AUTS2: variants seen among roughly 807,000 people sequenced by gnomAD.
AUTS2 encodes activator of transcription and developmental regulator AUTS2.
A neutral mutation model predicts 112.4 loss-of-function variants in AUTS2; 17 were observed. The observed-to-expected ratio is 0.15, with a 90% confidence interval of 0.10 to 0.23. The LOEUF (loss-of-function observed/expected upper bound fraction) is 0.23, where lower values mean the gene tolerates loss of function less well. Among genes scored for constraint, AUTS2 ranks in the 10% least tolerant of loss-of-function variants. AUTS2 has a pLI of 1.00. For synonymous variants in AUTS2, 751 were observed against 702.7 expected (o/e 1.07, Z -1.09); for missense variants, 1,510 against 1,701.6 (o/e 0.89, Z 1.98).
intron 2 of AUTS2, among the ~76,000 whole-genome samples, chr7:70,037,561 G>A (rs562265404): frequency 3.3e-5 from 5 of 152,098 alleles, no homozygotes; most frequent in African/African-American, 9.6e-5. Flanking sequence ...TTTAAAATGT[G>A]GACAATTAAA....
chr7:70,076,704 G>T (rs1457848373), intron 2 of AUTS2, among the ~76,000 whole-genome samples: 1 of 152,180 alleles, frequency 6.6e-6, no homozygotes, highest in East Asian at 1.9e-4. Context: ...GGTGATAGGA[G>T]TAAGATCCCA....
intron 5 of AUTS2, among the ~76,000 whole-genome samples, chr7:70,458,537 C>G (rs1230868312): frequency 6.6e-6 from 1 of 152,230 alleles, no homozygotes; most frequent in Non-Finnish European, 1.5e-5. Context: ...TCTTGGATGG[C>G]TGCCAAGTGG....
At chr7:70,718,438 G>A (rs1278453691) in intron 6 of AUTS2, among the ~76,000 whole-genome samples, 6 of 152,170 alleles carry the variant, frequency 3.9e-5, no homozygotes, top group Admixed American at 6.5e-5. Context: ...TGGGGCGGGC[G>A]GATCACTTGA....
intron 4 of AUTS2, among the ~76,000 whole-genome samples, chr7:70,327,962 A>G (rs1790566963): frequency 6.6e-6 from 1 of 152,058 alleles, no homozygotes; most frequent in South Asian, 2.1e-4. Context: ...TATTGAAAAG[A>G]GCTCCCTTAT....
intron 4 of AUTS2, among the ~76,000 whole-genome samples, chr7:70,390,753 C>T (rs1333633737): frequency 6.6e-6 from 1 of 152,102 alleles, no homozygotes; most frequent in Non-Finnish European, 1.5e-5. Context: ...ATTCTGTGAC[C>T]TGGCTCTGAA....
At chr7:69,993,739 C>T (rs1253026191) in intron 2 of AUTS2, among the ~76,000 whole-genome samples, 1 of 151,768 alleles carries the variant, frequency 6.6e-6, no homozygotes, top group Admixed American at 6.6e-5. Context: ...CTTCCTGTCT[C>T]TCTGTCTCTG....
chr7:70,032,130 T>G (rs751427906), intron 2 of AUTS2, among the ~76,000 whole-genome samples: 9 of 152,028 alleles, frequency 5.9e-5, no homozygotes, highest in Admixed American at 3.3e-4. Context: ...TCTAAATCAT[T>G]TAAAAACTTA....
chr7:70,122,557 A>G (rs577605861), intron 3 of AUTS2, among the ~76,000 whole-genome samples: 2 of 152,244 alleles, frequency 1.3e-5, no homozygotes, highest in East Asian at 1.9e-4. Flanking sequence ...GATGCCAGAC[A>G]TTATAAAATC....
intron 1 of AUTS2, among the ~76,000 whole-genome samples, chr7:69,661,097 C>T (rs755959701): frequency 6.6e-6 from 1 of 151,910 alleles, no homozygotes; most frequent in East Asian, 1.9e-4. Context: ...GGTAACACTA[C>T]TAGATCTGGA....
At position 70,792,618 on chromosome 7, in the gene AUTS2, T is replaced by G. The variant is rs1347463178; in HGVS notation, c.*1622T>G. On this transcript the variant is annotated 3_prime_UTR_variant, in exon 19 of 19. Transcript: ENST00000342771. ...TGAACTCCAGATGTTGTGCGGTGTT[T>G]TTTTTTTTTTTTAAGACAACAACTA... 1 of 125,714 alleles carries G rather than the reference T, an allele frequency of 8.0e-6. No homozygotes were observed. Among genetic ancestry groups the G allele is most frequent in the Non-Finnish European group, 1.7e-5 (1 of 58,748 alleles). The allele number at this position is 125,714 out of a possible 1,614,324, so 7.8% of individuals were successfully genotyped here.
At chr7:69,642,656 T>C (rs1388420359) in intron 1 of AUTS2, among the ~76,000 whole-genome samples, 1 of 152,224 alleles carries the variant, frequency 6.6e-6, no homozygotes, top group African/African-American at 2.4e-5. Flanking sequence ...TTCTGATTAC[T>C]AACAGATCTG....
chr7:70,680,997 C>A (rs1004761251), intron 5 of AUTS2, among the ~76,000 whole-genome samples: 1 of 152,122 alleles, frequency 6.6e-6, no homozygotes, highest in African/African-American at 2.4e-5. Context: ...ACATTTTTTT[C>A]TCTCCTGGAG....
chr7:70,007,296 G>T (rs1208328472), intron 2 of AUTS2, among the ~76,000 whole-genome samples: 1 of 152,112 alleles, frequency 6.6e-6, no homozygotes, highest in Non-Finnish European at 1.5e-5. Flanking sequence ...AAGTATAAAA[G>T]TAACATACTC....
chr7:69,860,431 T>C (rs141136597), intron 1 of AUTS2, among the ~76,000 whole-genome samples: 27 of 152,296 alleles, frequency 1.8e-4, no homozygotes, highest in African/African-American at 6.5e-4. Flanking sequence ...GATATATTCT[T>C]ATGTGTGTGT....
chr7:69,882,150 C>CAAAAA (rs57238970), intron 1 of AUTS2, among the ~76,000 whole-genome samples: 1 of 57,134 alleles, frequency 1.8e-5, no homozygotes, highest in Non-Finnish European at 3.3e-5. Context: ...AACTCTGTCT[C>CAAAAA]AAAAAAAAAA....
chr7:69,622,073 GT>G (rs2129092077), intron 1 of AUTS2, among the ~76,000 whole-genome samples: 1 of 152,284 alleles, frequency 6.6e-6, no homozygotes, highest in African/African-American at 2.4e-5. Flanking sequence ...GATTCTTGGT[GT>G]TTTAGACTTT....
chr7:69,811,916 A>C (rs1164273700), intron 1 of AUTS2, among the ~76,000 whole-genome samples: 1 of 152,200 alleles, frequency 6.6e-6, no homozygotes, highest in Non-Finnish European at 1.5e-5. Flanking sequence ...CTAGTGCAGT[A>C]GGGGTTTGGT....
At chr7:70,591,214 T>C (rs1357425840) in intron 5 of AUTS2, among the ~76,000 whole-genome samples, 1 of 146,288 alleles carries the variant, frequency 6.8e-6, no homozygotes, top group Non-Finnish European at 1.5e-5. Context: ...GATTAGGTGC[T>C]CCTGAATGTG....
At chr7:70,747,732 C>T (rs1011272768) in intron 6 of AUTS2, among the ~76,000 whole-genome samples, 45 of 152,190 alleles carry the variant, frequency 3.0e-4, no homozygotes, top group Non-Finnish European at 6.0e-4. Context: ...GTGATCCGCC[C>T]GCCTCAGCCT....
Sources: gnomAD v4.1 joint callset for allele counts (sites outside exome capture counted in the v4.1 genomes callset) on GRCh38, gnomAD v4.1.1 for gene constraint, MANE v1.5 for transcripts, NCBI Gene and HGNC (gene_info 2026-07-23, HGNC 2026-07-21) for gene names.